Variants in GRID1 observed in about 807,000 individuals in gnomAD.
GRID1 encodes glutamate ionotropic receptor delta type subunit 1.
In GRID1, 28 loss-of-function variants were observed where a neutral mutation model predicts 98.0. That is an observed-to-expected ratio of 0.29 (90% CI 0.21 to 0.39). GRID1 has a LOEUF of 0.39. Ranked by LOEUF, GRID1 falls within the 10% of genes least tolerant of loss-of-function variation. The pLI is 1.00. For synonymous variants in GRID1, 553 were observed against 538.5 expected, an observed-to-expected ratio of 1.03 and a Z score of -0.37; for missense variants, 1,111 against 1,340.5, an observed-to-expected ratio of 0.83 and a Z score of 2.67.
At chr10:86,314,161 A>C (rs2132090488) in intron 2 of GRID1, among the ~76,000 whole-genome samples, 1 of 151,928 alleles carries the variant, frequency 6.6e-6, no homozygotes, top group East Asian at 1.9e-4. Context: ...CCAGCTCTTC[A>C]CTCCTGAAGC....
intron 3 of GRID1, 80 bp from the exon 4 acceptor site, chr10:86,139,104 C>T: frequency 2.1e-6 from 2 of 949,984 alleles, no homozygotes; most frequent in Non-Finnish European, 3.4e-6. Context: ...AACTGCAACA[C>T]GTTCCACCCA....
At chr10:86,289,313 C>A (rs185035413) in intron 2 of GRID1, among the ~76,000 whole-genome samples, 1 of 152,290 alleles carries the variant, frequency 6.6e-6, no homozygotes, top group Admixed American at 6.5e-5. Context: ...CCACTGCTGG[C>A]AAGGTCATCC....
At chr10:85,939,000 G>A (rs868151859) in intron 4 of GRID1, among the ~76,000 whole-genome samples, 4 of 152,156 alleles carry the variant, frequency 2.6e-5, no homozygotes, top group Non-Finnish European at 5.9e-5. Flanking sequence ...GTTTGTAAAC[G>A]GATGCTGACA....
intron 2 of GRID1, among the ~76,000 whole-genome samples, chr10:86,326,458 A>C (rs1299745672): frequency 6.6e-6 from 1 of 152,244 alleles, no homozygotes. Context: ...TGAAAGTTTG[A>C]AGAAGGGTAA....
Position 85,674,849 on chromosome 10 carries a change from T to C in GRID1, c.1998-27452A>G, listed in dbSNP as rs116327631. On this transcript the variant is annotated intron_variant, in intron 12 of 15. Transcript: ENST00000327946. ...GCAAATTATAACCAAAGACTCACTA[T>C]GTCCTTTATCTCAGGAGGAGACATA... Among the ~76,000 whole-genome samples, 265 of 152,324 alleles carry C rather than the reference T, an allele frequency of 1.7e-3. 3 individuals are homozygous for C. Among genetic ancestry groups the C allele is most frequent in the African/African-American group, 6.0e-3 (250 of 41,584 alleles).
chr10:86,103,303 G>T (rs1342355258), intron 4 of GRID1, among the ~76,000 whole-genome samples: 1 of 152,172 alleles, frequency 6.6e-6, no homozygotes, highest in African/African-American at 2.4e-5. Flanking sequence ...ACCTGAGGCT[G>T]ACCTCCTGGG....
intron 2 of GRID1, chr10:86,264,673 G>C (rs781393736): frequency 2.1e-6 from 1 of 470,056 alleles, no homozygotes; most frequent in Non-Finnish European, 4.4e-6. Flanking sequence ...CCAGAGAGAA[G>C]AGCCATGTCC....
chr10:85,753,922 T>G (rs185386617), intron 8 of GRID1, among the ~76,000 whole-genome samples: 1 of 152,194 alleles, frequency 6.6e-6, no homozygotes, highest in Admixed American at 6.5e-5. Context: ...TCTGGACACA[T>G]ACAAGGTCAT....
At chr10:85,816,674 AT>A (rs1842718991) in intron 8 of GRID1, among the ~76,000 whole-genome samples, 1 of 152,100 alleles carries the variant, frequency 6.6e-6, no homozygotes, top group Non-Finnish European at 1.5e-5. Context: ...TTATTGTATA[AT>A]TTTTTCATGC....
At chr10:85,979,214 C>A (rs1023158014) in intron 4 of GRID1, among the ~76,000 whole-genome samples, 1 of 152,156 alleles carries the variant, frequency 6.6e-6, no homozygotes, top group Admixed American at 6.5e-5. Flanking sequence ...CCTCCAGTGC[C>A]CATCAGCATC....
At chr10:85,752,849 T>G (rs931418782) in intron 8 of GRID1, among the ~76,000 whole-genome samples, 6 of 152,192 alleles carry the variant, frequency 3.9e-5, no homozygotes, top group Non-Finnish European at 8.8e-5. Flanking sequence ...TTTTTCAAAT[T>G]CCTCTAAGGG....
intron 8 of GRID1, among the ~76,000 whole-genome samples, chr10:85,738,599 G>A (rs1158142198): frequency 6.6e-6 from 1 of 152,170 alleles, no homozygotes; most frequent in Admixed American, 6.5e-5. Context: ...CTCTCCAAAT[G>A]TGGATCAGCT....
chr10:85,783,578 A>G (rs76622751), intron 8 of GRID1, among the ~76,000 whole-genome samples: 5,022 of 152,286 alleles, frequency 0.033, 130 homozygotes, highest in Middle Eastern at 0.048. Flanking sequence ...TTCACAGAAA[A>G]TAAACCAGAA....
Position 86,026,528 on chromosome 10 carries a change from T to A in GRID1, c.727-110289A>T, listed in dbSNP as rs80039435. On this transcript the variant is annotated intron_variant, in intron 4 of 15. Transcript: ENST00000327946. ...GGCTCGCTTTTGTTGAAATCTCCAC[T>A]GGTGCTGGCTGTCAAAGAGAAAGCC... Among the ~76,000 whole-genome samples the A allele has an allele frequency of 2.8e-3, 429 of 152,314 alleles. 3 individuals are homozygous for A. The highest frequency in any genetic ancestry group is 9.5e-3 in the African/African-American group (395 of 41,562).
intron 2 of GRID1, among the ~76,000 whole-genome samples, chr10:86,325,462 A>G (rs1167838717): frequency 6.6e-6 from 1 of 152,222 alleles, no homozygotes; most frequent in African/African-American, 2.4e-5. Flanking sequence ...GAGACAGCAC[A>G]GTCTTCCATG....
chr10:85,614,152 T>C (rs181016810), intron 14 of GRID1, among the ~76,000 whole-genome samples: 19 of 152,354 alleles, frequency 1.2e-4, no homozygotes, highest in Admixed American at 1.1e-3. Context: ...CCTAGTATGA[T>C]GTTCAGCACT....
chr10:86,290,902 A>G (rs527946288), intron 2 of GRID1, among the ~76,000 whole-genome samples: 77 of 152,216 alleles, frequency 5.1e-4, no homozygotes, highest in African/African-American at 1.8e-3. Flanking sequence ...TCAGGCCACA[A>G]TGCACCCCTG....
At chr10:85,995,557 A>G (rs1020441111) in intron 4 of GRID1, among the ~76,000 whole-genome samples, 2 of 152,274 alleles carry the variant, frequency 1.3e-5, no homozygotes, top group African/African-American at 2.4e-5. Flanking sequence ...GAACATAGTC[A>G]TAAAACCTGG....
intron 2 of GRID1, among the ~76,000 whole-genome samples, chr10:86,226,471 C>CCTCA (rs1401174831): frequency 1.2e-4 from 3 of 26,050 alleles, no homozygotes; most frequent in African/African-American, 4.6e-4. Context: ...CCCAGCACAC[C>CCTCA]CTCCCACCCC....
Sources: allele counts gnomAD v4.1 joint callset (sites outside exome capture counted in the v4.1 genomes callset), GRCh38; gene constraint gnomAD v4.1.1; transcripts MANE v1.5; gene names NCBI Gene and HGNC (gene_info 2026-07-23, HGNC 2026-07-21).